Variants in MEI4 observed in about 807,000 individuals in gnomAD.
The protein encoded by MEI4 is meiosis-specific protein MEI4.
In MEI4, 27 loss-of-function variants were observed where a neutral mutation model predicts 31.4. The ratio of observed to expected loss-of-function variants is 0.86; its 90% CI spans 0.63 to 1.19. MEI4 has a LOEUF of 1.19. Ranked by LOEUF, MEI4 falls within the 50% of genes most tolerant of loss-of-function variation. MEI4 has a pLI of 0.00. For synonymous variants in MEI4, 122 were observed against 145.4 expected (o/e 0.84, Z 1.16); for missense variants, 329 against 398.9 (o/e 0.82, Z 1.49).
chr6:77,772,600 G>GCCA (rs1339907681), intron 3 of MEI4, among the ~76,000 whole-genome samples: 2 of 151,936 alleles, frequency 1.3e-5, no homozygotes, highest in Non-Finnish European at 2.9e-5. Context: ...ATTTGACAGA[G>GCCA]CCACAGCCAG....
chr6:77,731,361 C>T (rs1766985807), intron 2 of MEI4, among the ~76,000 whole-genome samples: 1 of 150,976 alleles, frequency 6.6e-6, no homozygotes, highest in Non-Finnish European at 1.5e-5. Flanking sequence ...TTTTGATTTG[C>T]ATTTCTCTGA....
intron 4 of MEI4, among the ~76,000 whole-genome samples, chr6:77,884,911 G>A (rs1771583531): frequency 6.6e-6 from 1 of 152,012 alleles, no homozygotes; most frequent in African/African-American, 2.4e-5. Context: ...TATTTTTATA[G>A]TTGTTGCATT....
At chr6:77,919,381 C>G (rs200416683) in intron 4 of MEI4, among the ~76,000 whole-genome samples, 1 of 152,018 alleles carries the variant, frequency 6.6e-6, no homozygotes, top group East Asian at 1.9e-4. Flanking sequence ...AACTGAACAA[C>G]CTGCTCCTGA....
At chr6:77,898,422 A>G (rs1159867417) in intron 4 of MEI4, among the ~76,000 whole-genome samples, 1 of 152,046 alleles carries the variant, frequency 6.6e-6, no homozygotes, top group Non-Finnish European at 1.5e-5. Flanking sequence ...CTTCTGTCCT[A>G]TAAAATCTGG....
intron 4 of MEI4, among the ~76,000 whole-genome samples, chr6:77,897,621 C>G (rs1002326987): frequency 7.9e-5 from 12 of 151,914 alleles, no homozygotes; most frequent in African/African-American, 2.4e-4. Context: ...AAAATACTAA[C>G]AGTTTTAGAA....
intron 3 of MEI4, among the ~76,000 whole-genome samples, chr6:77,774,443 T>C (rs1395655239): frequency 6.6e-6 from 1 of 152,118 alleles, no homozygotes; most frequent in East Asian, 1.9e-4. Flanking sequence ...TTCTTACTTA[T>C]TTGTGGCATT....
chr6:77,707,783 G>A (rs113394794), intron 2 of MEI4, among the ~76,000 whole-genome samples: 166 of 152,328 alleles, frequency 1.1e-3, no homozygotes, highest in African/African-American at 2.6e-3. Flanking sequence ...TCCACCTGTG[G>A]CTCAAAAGGC....
intron 2 of MEI4, among the ~76,000 whole-genome samples, chr6:77,739,911 T>C (rs906680689): frequency 6.6e-6 from 1 of 152,164 alleles, no homozygotes; most frequent in Non-Finnish European, 1.5e-5. Context: ...AATTGAGATC[T>C]TTCTAACTTT....
At chr6:77,881,331 A>G (rs1217082039) in intron 4 of MEI4, among the ~76,000 whole-genome samples, 1 of 152,094 alleles carries the variant, frequency 6.6e-6, no homozygotes, top group Non-Finnish European at 1.5e-5. Flanking sequence ...TTTTTCAGGA[A>G]GAGCCTCCTG....
intron 4 of MEI4, among the ~76,000 whole-genome samples, chr6:77,895,830 G>A (rs1581959742): frequency 6.6e-6 from 1 of 152,030 alleles, no homozygotes; most frequent in South Asian, 2.1e-4. Context: ...TCTAAGTACC[G>A]CCAGCTGAGT....
intron 1 of MEI4, among the ~76,000 whole-genome samples, chr6:77,654,966 G>T (rs1478362041): frequency 6.6e-6 from 1 of 151,816 alleles, no homozygotes; most frequent in East Asian, 1.9e-4. Flanking sequence ...GAATGTGCAG[G>T]TTTGTTACAT....
At chr6:77,837,832 ATAT>A (rs898994363) in intron 4 of MEI4, among the ~76,000 whole-genome samples, 100 of 152,278 alleles carry the variant, frequency 6.6e-4, no homozygotes, top group African/African-American at 2.3e-3. Context: ...AACTTTGATA[ATAT>A]TATTTTAGTG....
intron 3 of MEI4, among the ~76,000 whole-genome samples, chr6:77,800,452 T>C (rs996119883): frequency 1.2e-4 from 19 of 152,342 alleles, no homozygotes; most frequent in South Asian, 4.1e-4. Flanking sequence ...CAGGGACAAT[T>C]TGACTTCCTC....
At chr6:77,708,670 C>T (rs1364697604) in intron 2 of MEI4, among the ~76,000 whole-genome samples, 10 of 152,106 alleles carry the variant, frequency 6.6e-5, no homozygotes, top group Non-Finnish European at 1.5e-4. Flanking sequence ...GGTAGCAGAT[C>T]CCTCATGAAT....
chr6:77,906,989 A>G (rs1766310952), intron 4 of MEI4, among the ~76,000 whole-genome samples: 2 of 150,704 alleles, frequency 1.3e-5, no homozygotes, highest in South Asian at 4.2e-4. Context: ...AGACATTTAT[A>G]CATTCTTATG....
intron 2 of MEI4, among the ~76,000 whole-genome samples, chr6:77,735,456 A>G (rs1290438447): frequency 3.3e-5 from 5 of 151,974 alleles, no homozygotes; most frequent in Non-Finnish European, 5.9e-5. Context: ...TTCTTCACGT[A>G]GTTCTCGAGC....
chr6:77,815,695 C>T (rs1769672862), intron 3 of MEI4, among the ~76,000 whole-genome samples: 1 of 152,034 alleles, frequency 6.6e-6, no homozygotes, highest in South Asian at 2.1e-4. Flanking sequence ...AAGGCATGTG[C>T]TGGAATGTTA....
At chr6:77,880,731 T>C (rs1263710669) in intron 4 of MEI4, among the ~76,000 whole-genome samples, 1 of 152,122 alleles carries the variant, frequency 6.6e-6, no homozygotes, top group Non-Finnish European at 1.5e-5. Context: ...AAAAACAGAC[T>C]GCCTGTGGAG....
At chr6:77,761,722 C>G in intron 3 of MEI4, 57 bp downstream of exon 3, 1 of 1,133,964 alleles carries the variant, frequency 8.8e-7, no homozygotes, top group South Asian at 4.6e-5. Flanking sequence ...GTGAACATCT[C>G]TTTGGGTAAT....
Sources: allele counts gnomAD v4.1 joint callset (sites outside exome capture counted in the v4.1 genomes callset), GRCh38; gene constraint gnomAD v4.1.1; transcripts MANE v1.5; gene names NCBI Gene and HGNC (gene_info 2026-07-23, HGNC 2026-07-21).